The following NBEAL2 variants were observed in gnomAD, a reference collection of about 807,000 sequenced individuals.
The protein encoded by NBEAL2 is neurobeachin like 2, also known as neurobeachin-like protein 2.
Under a neutral mutation model 299.8 loss-of-function variants are expected in NBEAL2, and 160 were observed. That is an observed-to-expected ratio of 0.53 (90% CI 0.47 to 0.61). The LOEUF (loss-of-function observed/expected upper bound fraction) is 0.61, where lower values mean the gene tolerates loss of function less well. Ranked by LOEUF, NBEAL2 falls within the 20% of genes least tolerant of loss-of-function variation. The pLI is 0.00. For missense variants in NBEAL2, 3,112 were observed against 3,649.0 expected, an observed-to-expected ratio of 0.85 and a Z score of 3.79; for synonymous variants, 1,493 against 1,542.3, an observed-to-expected ratio of 0.97 and a Z score of 0.75.
Position 46,979,853 on chromosome 3 carries a change from G to A in NBEAL2, c.-9G>A, listed in dbSNP as rs1302944487. ...GTGGCGCGCAGCAGGGCCGGAGCCG[G>A]GCCGGGCCATGGCCGCCTCGGAGCG... On this transcript the variant is annotated 5_prime_UTR_variant, in exon 1 of 54. Transcript: ENST00000450053. The A allele has an allele frequency of 4.3e-6, 2 of 460,158 alleles. No homozygotes were observed. The highest frequency in any genetic ancestry group is 4.1e-5 in the African/African-American group (2 of 48,858). 28.5% of individuals were successfully genotyped at this position (460,158 alleles called of 1,614,324 possible). A position where few individuals can be genotyped will look rare whatever the true frequency, so the allele number is the denominator to read the frequency against.
rs143429233 is a variant in NBEAL2 at position 46,989,436 on chromosome 3, G to A, written c.473+55G>A. ...AGAGGAGGGTGGGGAGAGGATGGCCGCGCTGGGCCCAAGGAGGGGTGACGG... is the reference window on the plus strand; with the variant it reads ...AGAGGAGGGTGGGGAGAGGATGGCCACGCTGGGCCCAAGGAGGGGTGACGG... On this transcript the variant is annotated intron_variant, in intron 5 of 53. Coordinates refer to ENST00000450053, the MANE Select transcript of NBEAL2 (RefSeq NM_015175.3). This position sits in a 1 kb window ranked among gnomAD's most constrained non-coding sequence, Gnocchi z 5.5. 2.6e-5 allele frequency: 41 copies of A among 1,564,066 alleles called. No individual in the cohort carries two copies. The highest frequency in any genetic ancestry group is 1.7e-4 in the East Asian group (7 of 41,822).
Position 46,991,229 on chromosome 3 carries a change from G to C in NBEAL2, c.567G>C (p.Gln189His), listed in dbSNP as rs765787671. 6.2e-7 allele frequency: 1 copy of C among 1,606,968 alleles called. No individual in the cohort carries two copies. The highest frequency in any genetic ancestry group is 8.5e-7 in the Non-Finnish European group (1 of 1,176,534). Residue 189 changes from glutamine to histidine, a missense_variant, in exon 7 of 54, where the codon CAG (glutamine) becomes CAC (histidine). Gln to His is a conservative substitution (Grantham distance 24). Around this residue, in one of 3 missense-constraint regions of NBEAL2, gnomAD observed 2,243 missense variants for 2,538.1 expected, o/e 0.88. Transcript: ENST00000450053. This position sits in a 1 kb window ranked among gnomAD's most constrained non-coding sequence, Gnocchi z 6.2. ...CACCCCCCTACCCAGAGAGCCTACAGAATGCAGACCACTTGCCTCCCATAC... is the reference window on the plus strand; with the variant it reads ...CACCCCCCTACCCAGAGAGCCTACACAATGCAGACCACTTGCCTCCCATAC... ...EFSAFFQESL[Q>H]NADHLPPILL...
Position 46,991,517 on chromosome 3 carries a change from G to T in NBEAL2, c.754G>T (p.Glu252Ter). Residue 252 changes from glutamate to a stop codon, truncating the protein, a stop_gained, in exon 8 of 54, where the codon GAG becomes TAG. Transcript: ENST00000450053. LOFTEE classifies it high-confidence loss of function. This position sits in a 1 kb window ranked among gnomAD's most constrained non-coding sequence, Gnocchi z 6.2. ...PDPCLVPLAL[E>*]ALVGAVHVLH... Reference sequence around the variant, plus strand: ...CCCGTGCCTAGTGCCACTGGCTCTAGAGGCACTGGTAGGTGCAGTCCATGT... The same window carrying T: ...CCCGTGCCTAGTGCCACTGGCTCTATAGGCACTGGTAGGTGCAGTCCATGT... The T allele has an allele frequency of 6.2e-7, 1 of 1,611,066 alleles. No individual in the cohort carries two copies.
chr3:46,993,689 C>T (rs1265142866), intron 10 of NBEAL2, among the ~76,000 whole-genome samples: 1 of 152,114 alleles, frequency 6.6e-6, no homozygotes, highest in Non-Finnish European at 1.5e-5. Context: ...ATTAATCTGT[C>T]CCAGTGAGGC....
chr3:47,004,654 C>G lies in NBEAL2; in HGVS notation c.6294+64C>G. ...CTGACCTGTCAGCCCTTGGTTCCCC[C>G]AAGTGTAGGTACCTGCCAGTGGGCC... is the stretch of plus-strand genomic sequence containing the variant. On this transcript the variant is annotated intron_variant, in intron 38 of 53. Coordinates refer to ENST00000450053, the MANE Select transcript of NBEAL2 (RefSeq NM_015175.3). The surrounding 1 kb of genome is among the most constrained non-coding windows in gnomAD (Gnocchi z 5.0). 6.6e-7 allele frequency: 1 copy of G among 1,511,320 alleles called. No individual in the cohort carries two copies. The allele number at this position is 1,511,320 out of a possible 1,614,324, so 93.6% of individuals were successfully genotyped here.
Position 46,999,087 on chromosome 3 carries a change from A to ACTGC in NBEAL2, c.3515_3518dup (p.Leu1174AlafsTer18), listed in dbSNP as rs768484975. On this transcript the variant is annotated frameshift_variant, in exon 24 of 54. Transcript: ENST00000450053. LOFTEE classifies it high-confidence loss of function. The stretch of plus-strand genomic sequence containing the variant: ...TGGCCCTGCTAGTGCGGCCAGGGTC[A>ACTGC]CTGCCCCTGCTGCCCGATCGAGTCT... The ACTGC allele has an allele frequency of 6.3e-7, 1 of 1,588,416 alleles. No individual in the cohort carries two copies. The highest frequency in any genetic ancestry group is 8.6e-7 in the Non-Finnish European group (1 of 1,167,982).
intron 1 of NBEAL2, among the ~76,000 whole-genome samples, chr3:46,987,381 A>G (rs1171555227): frequency 6.6e-6 from 1 of 152,132 alleles, no homozygotes; most frequent in Non-Finnish European, 1.5e-5. Context: ...CTCTGACTCT[A>G]GGAAAGAAGG....
intron 1 of NBEAL2, among the ~76,000 whole-genome samples, chr3:46,987,043 C>T (rs1171486018): frequency 6.6e-6 from 1 of 152,230 alleles, no homozygotes; most frequent in Non-Finnish European, 1.5e-5. Context: ...GCCCTGGCAC[C>T]TCTCTGAGTT....
intron 1 of NBEAL2, among the ~76,000 whole-genome samples, chr3:46,981,036 C>T (rs543334321): frequency 6.6e-6 from 1 of 152,338 alleles, no homozygotes; most frequent in South Asian, 2.1e-4. Context: ...CTTCAGTCCG[C>T]TCAGGTTGTG....
Position 46,991,196 on chromosome 3 carries a change from C to CCT in NBEAL2, c.557-22_557-21dup. The CCT allele has an allele frequency of 1.3e-6, 2 of 1,582,680 alleles. No individual in the cohort carries two copies. Among genetic ancestry groups the CCT allele is most frequent in the Non-Finnish European group, 1.7e-6 (2 of 1,161,064 alleles). On this transcript the variant is annotated intron_variant, in intron 6 of 53. Coordinates refer to ENST00000450053, the MANE Select transcript of NBEAL2 (RefSeq NM_015175.3). The surrounding 1 kb of genome is among the most constrained non-coding windows in gnomAD (Gnocchi z 6.2). ...AGCCCTGCAACCTTGGTGACATTAC[C>CCT]CTGCCCACACCCCCCTACCCAGAGA...
rs762911937 is a variant in NBEAL2, at chr3:46,989,038, G to C, written c.270-47G>C. The C allele has an allele frequency of 6.2e-7, 1 of 1,611,796 alleles. No homozygotes were observed. On this transcript the variant is annotated intron_variant, in intron 3 of 53. Transcript: ENST00000450053. The surrounding 1 kb of genome is among the most constrained non-coding windows in gnomAD (Gnocchi z 5.5). The stretch of plus-strand genomic sequence containing the variant: ...GGGCCAGAGGGAGAGGGGACAAGGA[G>C]GGGCATGGTGTATTATTGTGACCTC...
rs770721155 is a variant in NBEAL2 at position 46,995,267 on chromosome 3, G to A, written c.1532G>A (p.Arg511His). ...TLSTGLALEA[R>H]CQEQLLALLQ... Reference sequence around the variant, plus strand: ...AGCACAGGGCTAGCCCTGGAGGCCCGCTGCCAAGAGCAGCTGCTGGCACTG... The same window carrying A: ...AGCACAGGGCTAGCCCTGGAGGCCCACTGCCAAGAGCAGCTGCTGGCACTG... The change falls in exon 13 of 54, where the codon CGC becomes CAC. Residue 511 changes from arginine to histidine, a missense_variant. By Grantham distance (29) the Arg-to-His change is conservative. This residue lies in a region of NBEAL2 where 2,243 missense variants were observed against 2,538.1 expected (regional missense o/e 0.88). Coordinates refer to ENST00000450053, the MANE Select transcript of NBEAL2 (RefSeq NM_015175.3). The A allele has an allele frequency of 1.3e-5, 21 of 1,560,676 alleles. No individual in the cohort carries two copies. The highest frequency in any genetic ancestry group is 1.8e-5 in the Non-Finnish European group (21 of 1,153,118).
At position 47,008,644 on chromosome 3, in the gene NBEAL2, C is replaced by A. The variant is rs747231617; in HGVS notation, c.8003C>A (p.Ala2668Asp). The A allele has an allele frequency of 6.2e-7, 1 of 1,613,388 alleles. No individual in the cohort carries two copies. The highest frequency in any genetic ancestry group is 2.2e-5 in the East Asian group (1 of 44,884). ...GTGTTGCTGGGCACCGCCCAGTGCGCCCTGCACATCCTCCAACTAAACACG... is the reference window on the plus strand; with the variant it reads ...GTGTTGCTGGGCACCGCCCAGTGCGACCTGCACATCCTCCAACTAAACACG... ...DFVLLGTAQC[A>D]LHILQLNTLL... Residue 2668 changes from alanine to aspartate, a missense_variant, in exon 52 of 54, where the codon GCC (alanine) becomes GAC (aspartate). Coordinates refer to ENST00000450053, the MANE Select transcript of NBEAL2 (RefSeq NM_015175.3).
Position 47,005,528 on chromosome 3 carries a change from AGCCTGGCAGGCAC to A in NBEAL2, c.6607_6619del (p.Gln2203ArgfsTer6). 6.2e-7 allele frequency: 1 copy of A among 1,611,246 alleles called. No homozygotes were observed. Among genetic ancestry groups the A allele is most frequent in the Non-Finnish European group, 8.5e-7 (1 of 1,179,212 alleles). On this transcript the variant is annotated frameshift_variant, in exon 41 of 54. Transcript: ENST00000450053. LOFTEE classifies it high-confidence loss of function. ...ACCGGCAGTTCCACTCGGTGGCGGCAGCCTGGCAGGCACGCCTGGAGAGCCCTGCCGATGTGAA... is the reference window on the plus strand; with the variant it reads ...ACCGGCAGTTCCACTCGGTGGCGGCAGCCTGGAGAGCCCTGCCGATGTGAA...
At chr3:46,999,852 T>C (rs757855734) in intron 26 of NBEAL2, 37 bp from the exon 27 acceptor site, 12 of 1,599,024 alleles carry the variant, frequency 7.5e-6, no homozygotes, top group African/African-American at 2.7e-5. Context: ...GAGCAGGCAG[T>C]TGGATGCGTC....
Position 46,995,439 on chromosome 3 carries a change from G to A in NBEAL2, c.1704G>A (p.Met568Ile). Residue 568 changes from methionine to isoleucine, a missense_variant, in exon 13 of 54, where the codon ATG (methionine) becomes ATA (isoleucine). By Grantham distance (10) the Met-to-Ile change is conservative (BLOSUM62 1). This residue lies in a region of NBEAL2 where 2,243 missense variants were observed against 2,538.1 expected (regional missense o/e 0.88). Coordinates refer to ENST00000450053, the MANE Select transcript of NBEAL2 (RefSeq NM_015175.3). ...AGAVIRTLSG[M>I]ARHQGPARAL... ...CTGTCATCCGCACATTATCAGGCAT[G>A]GCCAGGCACCAGGGTCCTGCACGTG... 6.2e-7 allele frequency: 1 copy of A among 1,612,868 alleles called. No homozygotes were observed. Among genetic ancestry groups the A allele is most frequent in the Non-Finnish European group, 8.5e-7 (1 of 1,179,898 alleles).
chr3:46,993,343 C>T (rs2036245586), intron 10 of NBEAL2, among the ~76,000 whole-genome samples: 1 of 152,188 alleles, frequency 6.6e-6, no homozygotes, highest in African/African-American at 2.4e-5. Flanking sequence ...GAGAAACTCT[C>T]CAAGCCCTCC....
intron 1 of NBEAL2, among the ~76,000 whole-genome samples, chr3:46,980,544 G>A (rs2035254704): frequency 6.7e-6 from 1 of 150,274 alleles, no homozygotes; most frequent in Non-Finnish European, 1.5e-5. Context: ...GACCTCTCTA[G>A]GAGCAGAAGA....
Position 46,988,846 on chromosome 3 carries a change from G to C in NBEAL2, c.145G>C (p.Glu49Gln). 6.2e-7 allele frequency: 1 copy of C among 1,607,080 alleles called. No individual in the cohort carries two copies. Residue 49 changes from glutamate to glutamine, a missense_variant, in exon 3 of 54, where the codon GAG (glutamate) becomes CAG (glutamine). This residue lies in a region of NBEAL2 where 2,243 missense variants were observed against 2,538.1 expected (regional missense o/e 0.88). Transcript: ENST00000450053. This position sits in a 1 kb window ranked among gnomAD's most constrained non-coding sequence, Gnocchi z 4.4. ...SLSSLEPRRP[E>Q]EAGAEVPLLP... ...GTGTCTCCCCTTTCCTTGCAGGCCA[G>C]AGGAGGCAGGTGCAGAGGTCCCGCT...
Sources: gnomAD v4.1 joint callset for allele counts (sites outside exome capture counted in the v4.1 genomes callset) on GRCh38, gnomAD v4.1.1 for gene constraint, gnomAD v4.1.1 regional missense constraint, Gnocchi (gnomAD v3.1) non-coding constraint, MANE v1.5 for transcripts, NCBI Gene and HGNC (gene_info 2026-07-23, HGNC 2026-07-21) for gene names.